CEP295: variants seen among roughly 807,000 people sequenced by gnomAD.
CEP295 encodes centrosomal protein 295, also known as centrosomal protein of 295 kDa.
Under a neutral mutation model 291.6 loss-of-function variants are expected in CEP295, and 190 were observed. The ratio of observed to expected loss-of-function variants is 0.65; its 90% CI spans 0.58 to 0.73. CEP295 has a LOEUF of 0.73. CEP295 is among the 30% of genes least tolerant of loss of function. The pLI, the probability that CEP295 is intolerant of heterozygous loss-of-function variation, is 0.00. For synonymous variants in CEP295, 993 were observed against 1,038.8 expected (o/e 0.96, Z 0.85); for missense variants, 2,863 against 2,949.4 (o/e 0.97, Z 0.68).
At chr11:93,705,989 C>T (rs1335708538) in intron 17 of CEP295, among the ~76,000 whole-genome samples, 3 of 152,082 alleles carry the variant, frequency 2.0e-5, no homozygotes, top group Non-Finnish European at 4.4e-5. Flanking sequence ...ACTTTAACAC[C>T]CTCTGATTTC....
At position 93,729,466 on chromosome 11, in the gene CEP295, A is replaced by G. The variant is rs1185014585; in HGVS notation, c.7335A>G (p.Thr2445=). The change falls in exon 26 of 30, where the codon ACA becomes ACG. Residue 2445 remains threonine (T), a synonymous_variant. Coordinates refer to ENST00000325212, the MANE Select transcript of CEP295 (RefSeq NM_033395.2). ...AGTTTCTGCCTCTTGTATCAGCAAC[A>G]GAAGCCTCAGATTATCCAGCTGTAT... ...VSEFLPLVSA[T]EASDYPAVSE... is the part of the protein sequence containing the mutation. 6.4e-7 allele frequency: 1 copy of G among 1,551,834 alleles called. No homozygotes were observed. Among genetic ancestry groups the G allele is most frequent in the Non-Finnish European group, 8.7e-7 (1 of 1,147,000 alleles).
At position 93,730,080 on chromosome 11, in the gene CEP295, C is replaced by G; in HGVS notation, c.7699C>G (p.Gln2567Glu). The change falls in exon 29 of 30, where the codon CAA becomes GAA. Residue 2567 changes from glutamine to glutamate, a missense_variant. Gln to Glu is a conservative substitution (Grantham distance 29, BLOSUM62 2). This residue lies in a region of CEP295 where 2,295 missense variants were observed against 2,335.7 expected (regional missense o/e 0.98). Transcript: ENST00000325212. ...LYNQLAEVKQ[Q>E]KEEKTKQEAY... ...CAATCAACTAGCTGAAGTGAAACAA[C>G]AAAAGGAAGAAAAAACAAAACAAGA... 1 of 1,547,712 alleles carries G rather than the reference C, an allele frequency of 6.5e-7. No individual in the cohort carries two copies. The highest frequency in any genetic ancestry group is 1.2e-5 in the South Asian group (1 of 83,874).
rs1267732559 is a variant in CEP295, at chr11:93,696,430, G to T, written c.1769+13G>T. On this transcript the variant is annotated intron_variant, in intron 14 of 29. Coordinates refer to ENST00000325212, the MANE Select transcript of CEP295 (RefSeq NM_033395.2). ...TACAACAAAACAGGTATTAGCTAGG[G>T]TATAATTTATATGTGATCGTATGTG... 2.7e-6 allele frequency: 4 copies of T among 1,459,090 alleles called. No homozygotes were observed. The highest frequency in any genetic ancestry group is 1.4e-5 in the African/African-American group (1 of 71,118). The allele number at this position is 1,459,090 out of a possible 1,614,324, so 90.4% of individuals were successfully genotyped here. A position where few individuals can be genotyped will look rare whatever the true frequency, so the allele number is the denominator to read the frequency against.
At position 93,730,292 on chromosome 11, in the gene CEP295, T is replaced by G. The variant is rs773222918; in HGVS notation, c.*23T>G. 86 of 1,489,142 alleles carry G rather than the reference T, an allele frequency of 5.8e-5. No homozygotes were observed. The South Asian group carries it at 1.0e-3, about 18-fold the overall frequency. 92.2% of individuals were successfully genotyped at this position (1,489,142 alleles called of 1,614,324 possible). A position where few individuals can be genotyped will look rare whatever the true frequency, so the allele number is the denominator to read the frequency against. On this transcript the variant is annotated 3_prime_UTR_variant, in exon 30 of 30. Coordinates refer to ENST00000325212, the MANE Select transcript of CEP295 (RefSeq NM_033395.2). ...TGACTTTCTAGAAATAGTGTAAAGGTTTTTTAATTGTGTATATGTAGCATT... is the reference window on the plus strand; with the variant it reads ...TGACTTTCTAGAAATAGTGTAAAGGGTTTTTAATTGTGTATATGTAGCATT...
chr11:93,697,834 G>A lies in CEP295; in HGVS notation c.2922G>A (p.Leu974=), dbSNP rs1240865829. 1 of 1,551,520 alleles carries A rather than the reference G, an allele frequency of 6.4e-7. No individual in the cohort carries two copies. The highest frequency in any genetic ancestry group is 1.2e-5 in the South Asian group (1 of 84,062). Residue 974 remains leucine, a synonymous_variant, in exon 15 of 30, where the codon TTG becomes TTA. Transcript: ENST00000325212. The part of the protein sequence containing the change: ...LQARREAQEV[L]YVHKQSELDR... ...CTAGGCGAGAAGCCCAGGAAGTATT[G>A]TATGTACATAAACAGAGTGAATTGG...
At chr11:93,681,617 C>T (rs1487363576) in intron 7 of CEP295, among the ~76,000 whole-genome samples, 6 of 151,326 alleles carry the variant, frequency 4.0e-5, no homozygotes, top group South Asian at 2.1e-4. Context: ...GGTTTCACCA[C>T]GTTAGCCAGG....
At chr11:93,665,089 C>T (rs1590950831) in intron 1 of CEP295, among the ~76,000 whole-genome samples, 3 of 152,156 alleles carry the variant, frequency 2.0e-5, no homozygotes, top group Middle Eastern at 3.4e-3. Flanking sequence ...AGGACAGCTT[C>T]GTAGAGGAAG....
Position 93,698,549 on chromosome 11 carries a change from G to T in CEP295, c.3637G>T (p.Glu1213Ter). ...CTCCTCATCCCTTTCCCAGGTGGAT[G>T]AATCTGAGAGATTCCAGGAATGTAT... is the stretch of plus-strand genomic sequence containing the variant. The part of the protein sequence containing the change: ...GTSSSLSQVD[E>*]SERFQECISI... Residue 1213 changes from glutamate (E) to a stop codon, truncating the protein, a stop_gained, in exon 15 of 30, where the codon GAA becomes TAA. Transcript: ENST00000325212. LOFTEE classifies it high-confidence loss of function. 1 of 1,552,114 alleles carries T rather than the reference G, an allele frequency of 6.4e-7. No homozygotes were observed.
chr11:93,693,193 T>C (rs4753101), intron 12 of CEP295, among the ~76,000 whole-genome samples: 1 of 151,124 alleles, frequency 6.6e-6, no homozygotes. Context: ...AGGAGAATGG[T>C]GTGAACCCGG....
At chr11:93,703,059 GT>G in intron 17 of CEP295, 140 bp downstream of exon 17, 1 of 696,016 alleles carries the variant, frequency 1.4e-6, no homozygotes, top group Non-Finnish European at 2.3e-6. Flanking sequence ...TGCCTTCTGG[GT>G]TCAAGCAAAT....
chr11:93,709,770 C>A lies in CEP295; in HGVS notation c.5749+2873C>A, dbSNP rs188472447. Among the ~76,000 whole-genome samples the A allele has an allele frequency of 1.2e-3, 189 of 152,160 alleles. 1 individual carries two copies. Among genetic ancestry groups the A allele is most frequent in the Non-Finnish European group, 2.2e-3 (148 of 67,992 alleles). On this transcript the variant is annotated intron_variant, in intron 18 of 29. Transcript: ENST00000325212. ...TTAATAATGTTGAGATTCTTCCAAT[C>A]CAGGAACATGGAATATCTTTCCATT... is the stretch of plus-strand genomic sequence containing the variant.
In CEP295 at chr11:93,691,984, C is replaced by T. The variant is rs1591039761; in HGVS notation, c.1487C>T (p.Pro496Leu). 1.3e-6 allele frequency: 2 copies of T among 1,545,022 alleles called. No individual in the cohort carries two copies. The highest frequency in any genetic ancestry group is 2.4e-5 in the East Asian group (1 of 40,830). Residue 496 changes from proline to leucine, a missense_variant, in exon 12 of 30, where the codon CCT becomes CTT. Pro to Leu is a moderately conservative substitution (Grantham distance 98). Transcript: ENST00000325212. ...GCTCAGAGTTCAGTTCTACTTCATC[C>T]TCAAGAAGCAGCAGCCAGGATTAGA... Reference protein sequence around the residue: ...TVAQSSVLLHPQEAAARIRMS... With the variant: ...TVAQSSVLLHLQEAAARIRMS...
chr11:93,730,217 T>C lies in CEP295; in HGVS notation c.7768-14T>C. Reference sequence around the variant, plus strand: ...AGTACACAACTGAAACTCAAATTTTTATTCCTTCCACAGAAAACACTAGAG... The same window carrying C: ...AGTACACAACTGAAACTCAAATTTTCATTCCTTCCACAGAAAACACTAGAG... On this transcript the variant is annotated splice_polypyrimidine_tract_variant and intron_variant, in intron 29 of 29. Transcript: ENST00000325212. 1 of 1,551,430 alleles carries C rather than the reference T, an allele frequency of 6.4e-7. No homozygotes were observed. Among genetic ancestry groups the C allele is most frequent in the Non-Finnish European group, 8.7e-7 (1 of 1,146,904 alleles).
At chr11:93,710,609 G>T (rs1472045344) in intron 18 of CEP295, among the ~76,000 whole-genome samples, 1 of 152,116 alleles carries the variant, frequency 6.6e-6, no homozygotes, top group East Asian at 1.9e-4. Flanking sequence ...TTTGGGATTA[G>T]GGCAATACTG....
At chr11:93,722,178 G>A (rs1953782927) in intron 20 of CEP295, 128 bp downstream of exon 20, 2 of 651,114 alleles carry the variant, frequency 3.1e-6, no homozygotes, top group South Asian at 1.9e-5. Flanking sequence ...AATCTCACAA[G>A]TAAAGTATGG....
rs547157773 is a variant in CEP295, at chr11:93,689,886, G to A, written c.1337-1797G>A. On this transcript the variant is annotated intron_variant, in intron 10 of 29. Transcript: ENST00000325212. ...GCAAGAGAGGTAAATTTGGAATCTA[G>A]ACATATATATGATATTTAAAGCCAT... Among the ~76,000 whole-genome samples the A allele has an allele frequency of 3.3e-5, 5 of 152,248 alleles. 1 individual carries two copies. The East Asian group carries it at 9.6e-4, about 29-fold the overall frequency.
chr11:93,695,433 C>T (rs1329704750), intron 12 of CEP295, 64 bp from the exon 13 acceptor site: 21 of 1,088,282 alleles, frequency 1.9e-5, no homozygotes, highest in Non-Finnish European at 2.5e-5. Context: ...TTAAATGGAA[C>T]GTGTGTTATC....
intron 6 of CEP295, among the ~76,000 whole-genome samples, chr11:93,677,026 T>C (rs957582176): frequency 4.6e-5 from 7 of 152,064 alleles, no homozygotes; most frequent in African/African-American, 1.7e-4. Context: ...CAGAAATGGG[T>C]TTATTACTGA....
At position 93,728,876 on chromosome 11, in the gene CEP295, G is replaced by GCTTAT. The variant is rs1937826891; in HGVS notation, c.7302+55_7302+56insCTTAT. On this transcript the variant is annotated intron_variant, in intron 25 of 29. Coordinates refer to ENST00000325212, the MANE Select transcript of CEP295 (RefSeq NM_033395.2). ...CTATTACAAGCAAACCAGTTGATTT[G>GCTTAT]TCTCTTACAACTTATCAGAAGGTAC... The GCTTAT allele has an allele frequency of 2.8e-6, 4 of 1,452,114 alleles. No individual in the cohort carries two copies. The African/African-American group carries it at 5.7e-5, about 21-fold the overall frequency. 90.0% of individuals were successfully genotyped at this position (1,452,114 alleles called of 1,614,324 possible). A position where few individuals can be genotyped will look rare whatever the true frequency, so the allele number is the denominator to read the frequency against.
Sources: gnomAD v4.1 joint callset for allele counts (sites outside exome capture counted in the v4.1 genomes callset) on GRCh38, gnomAD v4.1.1 for gene constraint, gnomAD v4.1.1 regional missense constraint, MANE v1.5 for transcripts, NCBI Gene and HGNC (gene_info 2026-07-23, HGNC 2026-07-21) for gene names.